Variants in SSU72 observed in about 807,000 individuals in gnomAD.
SSU72 encodes RNA polymerase II subunit A C-terminal domain phosphatase SSU72.
A neutral mutation model predicts 22.7 loss-of-function variants in SSU72; 12 were observed. The observed-to-expected ratio is 0.53, with a 90% CI of 0.34 to 0.86. The LOEUF (loss-of-function observed/expected upper bound fraction) is 0.86, where lower values mean the gene tolerates loss of function less well. Among genes scored for constraint, SSU72 ranks in the 40% least tolerant of loss-of-function variants. The pLI is 0.02. For missense variants in SSU72, 151 were observed against 249.8 expected (o/e 0.60, Z 2.67); for synonymous variants, 116 against 98.3 (o/e 1.18, Z -1.06).
chr1:1,573,429 CAAAAAAAAAAA>C (rs56930035), intron 1 of SSU72, among the ~76,000 whole-genome samples: 345 of 107,556 alleles, frequency 3.2e-3, no homozygotes, highest in Non-Finnish European at 7.4e-3. Context: ...GACTCTGTCT[CAAAAAAAAAAA>C]AAAAAAAAAA....
At position 1,574,803 on chromosome 1, in the gene SSU72, G is replaced by A. The variant is rs1642791860; in HGVS notation, c.-246C>T. 8.8e-6 allele frequency: 2 copies of A among 226,060 alleles called. No homozygotes were observed. The highest frequency in any genetic ancestry group is 2.4e-5 in the African/African-American group (1 of 41,988). The allele number at this position is 226,060 out of a possible 1,614,324, so 14.0% of individuals were successfully genotyped here. A position where few individuals can be genotyped will look rare whatever the true frequency, so the allele number is the denominator to read the frequency against. ...GGCGAGGCCGGGGGCGGCCAACGCCGCGCCGGCCCCCGGCGTCCGCAGCAG... is the reference window on the plus strand; with the variant it reads ...GGCGAGGCCGGGGGCGGCCAACGCCACGCCGGCCCCCGGCGTCCGCAGCAG... On this transcript the variant is annotated 5_prime_UTR_variant, in exon 1 of 5. Coordinates refer to ENST00000291386, the MANE Select transcript of SSU72 (RefSeq NM_014188.3).
At position 1,574,633 on chromosome 1, in the gene SSU72, G is replaced by A. The variant is rs1404565426; in HGVS notation, c.-76C>T. 2.8e-6 allele frequency: 4 copies of A among 1,435,860 alleles called. No individual in the cohort carries two copies. Among genetic ancestry groups the A allele is most frequent in the Admixed American group, 2.5e-5 (1 of 40,782 alleles). The allele number at this position is 1,435,860 out of a possible 1,614,324, so 88.9% of individuals were successfully genotyped here. Reference sequence around the variant, plus strand: ...GCGGCGCTTCCGCGCGAACAAAATGGCGGCCGCGGTGGCCGGAAGCGGGCG... The same window carrying A: ...GCGGCGCTTCCGCGCGAACAAAATGACGGCCGCGGTGGCCGGAAGCGGGCG... On this transcript the variant is annotated 5_prime_UTR_variant, in exon 1 of 5. Coordinates refer to ENST00000291386, the MANE Select transcript of SSU72 (RefSeq NM_014188.3).
intron 2 of SSU72, among the ~76,000 whole-genome samples, chr1:1,558,678 T>C (rs1440203985): frequency 6.6e-6 from 1 of 152,234 alleles, no homozygotes; most frequent in Non-Finnish European, 1.5e-5. Flanking sequence ...TAGGATCCTG[T>C]GAGACTCCCA....
chr1:1,565,025 T>C (rs895495312), intron 1 of SSU72, 109 bp from the exon 2 acceptor site: 77 of 1,389,394 alleles, frequency 5.5e-5, no homozygotes, highest in Middle Eastern at 5.1e-4. Flanking sequence ...CATTGGCTCA[T>C]AGTAGAGAAT....
At chr1:1,550,981 C>G (rs186228893) in intron 2 of SSU72, among the ~76,000 whole-genome samples, 5 of 152,254 alleles carry the variant, frequency 3.3e-5, no homozygotes, top group Admixed American at 2.0e-4. Flanking sequence ...ATCCACCCCC[C>G]AGAAAGCTCC....
In SSU72 at chr1:1,554,252, C is replaced by T. The variant is rs9439466; in HGVS notation, c.225-9250G>A. On this transcript the variant is annotated intron_variant, in intron 2 of 4. Coordinates refer to ENST00000291386, the MANE Select transcript of SSU72 (RefSeq NM_014188.3). This position sits in a 1 kb window ranked among gnomAD's most constrained non-coding sequence, Gnocchi z 4.1. ...CACGAAGCTGAGCATGAGGCGGACCCGGACCACTCGGGGGCCCCCACGAAG... is the reference window on the plus strand; with the variant it reads ...CACGAAGCTGAGCATGAGGCGGACCTGGACCACTCGGGGGCCCCCACGAAG... Among the ~76,000 whole-genome samples, 16 of 151,454 alleles carry T rather than the reference C, an allele frequency of 1.1e-4. 1 individual carries two copies. The highest frequency in any genetic ancestry group is 3.2e-4 in the African/African-American group (13 of 41,198).
chr1:1,565,537 G>C (rs968061388), intron 1 of SSU72, among the ~76,000 whole-genome samples: 8 of 114,798 alleles, frequency 7.0e-5, no homozygotes, highest in Non-Finnish European at 1.3e-4. Flanking sequence ...GAGGATCCAA[G>C]TTCACAGGAT....
chr1:1,554,576 C>G lies in SSU72; in HGVS notation c.225-9574G>C, dbSNP rs547278748. Among the ~76,000 whole-genome samples the G allele has an allele frequency of 1.6e-3, 241 of 152,248 alleles. No homozygotes were observed. The highest frequency in any genetic ancestry group is 2.9e-3 in the Admixed American group (45 of 15,294). ...GGGCCTTAGTGGGACCAGAACATCC[C>G]GGGGAGTTAGAATGAGCGCAGCTGC... On this transcript the variant is annotated intron_variant, in intron 2 of 4. Transcript: ENST00000291386. The surrounding 1 kb of genome is among the most constrained non-coding windows in gnomAD (Gnocchi z 4.1).
rs555194630 is a variant in SSU72, at chr1:1,567,826, T to C, written c.81-2910A>G. On this transcript the variant is annotated intron_variant, in intron 1 of 4. Coordinates refer to ENST00000291386, the MANE Select transcript of SSU72 (RefSeq NM_014188.3). ...TATTCGGGAGGCTGAGGCAGGAGAA[T>C]TGCGTGAACCCCGGAAGCGGAGGTT... 2.8e-4 allele frequency among the ~76,000 whole-genome samples: 41 copies of C among 148,186 alleles called. No individual in the cohort carries two copies. The East Asian group carries it at 4.9e-3, about 18-fold the overall frequency.
At chr1:1,559,341 G>GA (rs1642557322) in intron 2 of SSU72, among the ~76,000 whole-genome samples, 1 of 152,116 alleles carries the variant, frequency 6.6e-6, no homozygotes, top group Admixed American at 6.5e-5. Context: ...AACGGCCTTG[G>GA]GAGACGAAAA....
At chr1:1,556,174 T>C (rs1642518539) in intron 2 of SSU72, among the ~76,000 whole-genome samples, 1 of 152,200 alleles carries the variant, frequency 6.6e-6, no homozygotes, top group Non-Finnish European at 1.5e-5. Context: ...GGCTCACGCC[T>C]ATAATCCCAG....
intron 2 of SSU72, among the ~76,000 whole-genome samples, chr1:1,546,792 G>A (rs1353792951): frequency 1.4e-5 from 2 of 146,084 alleles, no homozygotes; most frequent in African/African-American, 5.1e-5. Flanking sequence ...GCAGTGAGCC[G>A]AGATCACACC....
chr1:1,564,060 A>C (rs942590129), intron 2 of SSU72: 5 of 155,234 alleles, frequency 3.2e-5, no homozygotes, highest in African/African-American at 4.8e-5. Flanking sequence ...AAAACTACAA[A>C]TCACTCACTA....
chr1:1,555,670 C>A (rs1000209096), intron 2 of SSU72, among the ~76,000 whole-genome samples: 3 of 152,240 alleles, frequency 2.0e-5, no homozygotes, highest in African/African-American at 7.2e-5. Flanking sequence ...ATGCCACAAG[C>A]TTGCCAGCTA....
At position 1,554,870 on chromosome 1, in the gene SSU72, C is replaced by G. The variant is rs1467497162; in HGVS notation, c.225-9868G>C. Among the ~76,000 whole-genome samples the G allele has an allele frequency of 6.6e-6, 1 of 152,190 alleles. No individual in the cohort carries two copies. The highest frequency in any genetic ancestry group is 1.5e-5 in the Non-Finnish European group (1 of 68,038). On this transcript the variant is annotated intron_variant, in intron 2 of 4. Transcript: ENST00000291386. The surrounding 1 kb of genome is among the most constrained non-coding windows in gnomAD (Gnocchi z 4.1). Reference sequence around the variant, plus strand: ...CCCCACGTACCCCCGACCACCTCAGCTCCTGGCCCTCAGCCTCTCCTTTGC... The same window carrying G: ...CCCCACGTACCCCCGACCACCTCAGGTCCTGGCCCTCAGCCTCTCCTTTGC...
At chr1:1,549,030 C>T (rs1642425283) in intron 2 of SSU72, among the ~76,000 whole-genome samples, 1 of 152,294 alleles carries the variant, frequency 6.6e-6, no homozygotes, top group Admixed American at 6.5e-5. Context: ...CCCAGCTACT[C>T]GGGAGGCCGA....
rs749391577 is a variant in SSU72 at position 1,570,328 on chromosome 1, T to C, written c.80+4150A>G. 3.4e-5 allele frequency among the ~76,000 whole-genome samples: 5 copies of C among 147,698 alleles called. No individual in the cohort carries two copies. The South Asian group carries it at 6.5e-4, about 19-fold the overall frequency. ...AAGGGAAAATGACAACAGACATAAA[T>C]TCCAACTTCAATAAGGCCAAGCTAG... is the stretch of plus-strand genomic sequence containing the variant. On this transcript the variant is annotated intron_variant, in intron 1 of 4. Coordinates refer to ENST00000291386, the MANE Select transcript of SSU72 (RefSeq NM_014188.3).
chr1:1,544,062 C>A (rs1377445656), intron 3 of SSU72, 75 bp from the exon 4 acceptor site: 12 of 1,165,968 alleles, frequency 1.0e-5, no homozygotes, highest in Non-Finnish European at 1.5e-5. Flanking sequence ...GCTGAGTCCC[C>A]AGCTCTGCCG....
chr1:1,551,871 T>C (rs1439015908), intron 2 of SSU72, among the ~76,000 whole-genome samples: 2 of 152,144 alleles, frequency 1.3e-5, no homozygotes, highest in Non-Finnish European at 2.9e-5. Context: ...ACCACTACCT[T>C]TCCCAACAAT....
Sources: gnomAD v4.1 joint callset for allele counts (sites outside exome capture counted in the v4.1 genomes callset) on GRCh38, gnomAD v4.1.1 for gene constraint, Gnocchi (gnomAD v3.1) non-coding constraint, MANE v1.5 for transcripts, NCBI Gene and HGNC (gene_info 2026-07-23, HGNC 2026-07-21) for gene names.